CERS3: variants seen among roughly 807,000 people sequenced by gnomAD.
CERS3 encodes the protein ceramide synthase 3.
A neutral mutation model predicts 50.3 loss-of-function variants in CERS3; 33 were observed. The ratio of observed to expected loss-of-function variants is 0.66; its 90% CI spans 0.50 to 0.88. CERS3 has a LOEUF of 0.88. CERS3 is among the 40% of genes least tolerant of loss of function. The probability of loss-of-function intolerance (pLI) is 0.00; values close to 1 mark genes in which losing one functional copy is unlikely to be tolerated. For missense variants in CERS3, 470 were observed against 460.3 expected, an observed-to-expected ratio of 1.02 and a Z score of -0.19; for synonymous variants, 176 against 155.2, an observed-to-expected ratio of 1.13 and a Z score of -0.99.
chr15:100,461,078 G>A (rs79110611), intron 10 of CERS3, among the ~76,000 whole-genome samples: 43 of 152,264 alleles, frequency 2.8e-4, no homozygotes, highest in Non-Finnish European at 5.3e-4. Flanking sequence ...TCAGGGTGGA[G>A]GTGTGGCCTT....
At chr15:100,533,863 G>T (rs542375640), upstream of CERS3, among the ~76,000 whole-genome samples, 13 of 152,230 alleles carry the variant, frequency 8.5e-5, no homozygotes, top group Non-Finnish European at 1.9e-4. Flanking sequence ...CAGCCCACTG[G>T]GTTCTTTCAA....
At position 100,420,059 on chromosome 15, in the gene CERS3, G is replaced by T. The variant is rs1461655787; in HGVS notation, c.1000-17194C>A. Among the ~76,000 whole-genome samples, 4 of 142,444 alleles carry T rather than the reference G, an allele frequency of 2.8e-5. No homozygotes were observed. In the Admixed American group the frequency reaches 2.9e-4, roughly 10 times the overall value. The allele number at this position is 142,444 out of a possible 152,430, so 93.4% of individuals were successfully genotyped here. A position where few individuals can be genotyped will look rare whatever the true frequency, so the allele number is the denominator to read the frequency against. The stretch of plus-strand genomic sequence containing the variant: ...GAGCAAACACATTCAAAAGCTAGCA[G>T]AAGGCAAGAAATAACTAAAATCAGA... On this transcript the variant is annotated intron_variant, in intron 11 of 11. Transcript: ENST00000679737.
chr15:100,455,563 T>C (rs760468852), intron 11 of CERS3, among the ~76,000 whole-genome samples: 10 of 152,130 alleles, frequency 6.6e-5, no homozygotes, highest in Non-Finnish European at 1.3e-4. Flanking sequence ...CACATAAATA[T>C]GCACAAATAT....
At chr15:100,535,202 T>A (rs2037040608) in intron 1 of CERS3, among the ~76,000 whole-genome samples, 1 of 152,244 alleles carries the variant, frequency 6.6e-6, no homozygotes, top group Non-Finnish European at 1.5e-5. Context: ...ATTAATTTTA[T>A]TTTATTCTTA....
At chr15:100,462,106 A>G (rs1046099946) in intron 10 of CERS3, among the ~76,000 whole-genome samples, 2 of 152,216 alleles carry the variant, frequency 1.3e-5, no homozygotes, top group Admixed American at 1.3e-4. Context: ...ACCTTACAGC[A>G]ACTGAATGGA....
chr15:100,435,095 C>A (rs1262810234), intron 11 of CERS3, among the ~76,000 whole-genome samples: 1 of 152,200 alleles, frequency 6.6e-6, no homozygotes, highest in African/African-American at 2.4e-5. Context: ...CAGGAAGCAG[C>A]TCTCATCTTA....
At chr15:100,503,596 T>C in intron 2 of CERS3, 1 of 430,000 alleles carries the variant, frequency 2.3e-6, no homozygotes, top group Non-Finnish European at 4.9e-6. Flanking sequence ...TTTGTGCTGA[T>C]TAGAGGAAGG....
chr15:100,465,485 C>T (rs1308422899), intron 10 of CERS3, among the ~76,000 whole-genome samples: 1 of 152,104 alleles, frequency 6.6e-6, no homozygotes, highest in Non-Finnish European at 1.5e-5. Context: ...GTACACTGTA[C>T]CTGAAAGAAG....
rs1385661797 is a variant in CERS3, at chr15:100,494,233, ATATATATATATATATATATATATATT to A, written c.174-3328_174-3303del. Among the ~76,000 whole-genome samples, 19 of 47,462 alleles carry A rather than the reference ATATATATATATATATATATATATATT, an allele frequency of 4.0e-4. 1 individual carries two copies. The highest frequency in any genetic ancestry group is 2.5e-3 in the South Asian group (3 of 1,208). The allele number at this position is 47,462 out of a possible 152,430, so 31.1% of individuals were successfully genotyped here. On this transcript the variant is annotated intron_variant, in intron 3 of 11. Coordinates refer to ENST00000679737, the MANE Select transcript of CERS3 (RefSeq NM_001378789.1). ...TTCATATATATATATATATATATAT[ATATATATATATATATATATATATATT>A]TGTTTTGAGATGGAGTCTTGCACTG...
intron 7 of CERS3, among the ~76,000 whole-genome samples, chr15:100,477,743 T>G (rs2035176823): frequency 6.6e-6 from 1 of 151,996 alleles, no homozygotes; most frequent in Non-Finnish European, 1.5e-5. Flanking sequence ...AATATCAGAG[T>G]ACTAGGAAGC....
intron 10 of CERS3, among the ~76,000 whole-genome samples, chr15:100,457,896 G>T (rs920583235): frequency 6.6e-6 from 1 of 152,084 alleles, no homozygotes; most frequent in Non-Finnish European, 1.5e-5. Context: ...ATTACATTTA[G>T]CTTTAAATCA....
At chr15:100,407,417 T>A (rs2031129263) in intron 11 of CERS3, among the ~76,000 whole-genome samples, 1 of 152,226 alleles carries the variant, frequency 6.6e-6, no homozygotes, top group Admixed American at 6.5e-5. Context: ...GAGCAAAGGC[T>A]AGGGATGCTG....
intron 11 of CERS3, among the ~76,000 whole-genome samples, chr15:100,427,264 G>A (rs1024280757): frequency 2.6e-5 from 4 of 152,164 alleles, no homozygotes; most frequent in Admixed American, 2.6e-4. Flanking sequence ...TCGGAGGAGC[G>A]AAAGTGCTAT....
chr15:100,466,804 C>CCCCCCTCT (rs2034743986), intron 10 of CERS3, among the ~76,000 whole-genome samples: 1 of 11,432 alleles, frequency 8.7e-5, no homozygotes, highest in African/African-American at 1.6e-4. Flanking sequence ...TCCCTCCCTC[C>CCCCCCTCT]CTCCCTCCCT....
intron 8 of CERS3, among the ~76,000 whole-genome samples, chr15:100,475,049 T>C (rs1053147217): frequency 7.2e-5 from 11 of 152,244 alleles, no homozygotes; most frequent in Non-Finnish European, 1.6e-4. Flanking sequence ...AAATACATGA[T>C]CGACCTACCT....
intron 10 of CERS3, 24 bp from the exon 11 acceptor site, chr15:100,456,070 A>T: frequency 6.3e-7 from 1 of 1,575,170 alleles, no homozygotes; most frequent in South Asian, 1.2e-5. Flanking sequence ...CAGTTGAGAG[A>T]ATTTCATTAC....
chr15:100,507,826 C>T (rs145677757), intron 2 of CERS3, among the ~76,000 whole-genome samples: 2,490 of 152,328 alleles, frequency 0.016, 37 homozygotes, highest in Non-Finnish European at 0.029. Context: ...GGCATCCTGC[C>T]GAGGCAGCGG....
chr15:100,405,040 A>G (rs1225411015), intron 11 of CERS3, among the ~76,000 whole-genome samples: 1 of 152,174 alleles, frequency 6.6e-6, no homozygotes, highest in African/African-American at 2.4e-5. Context: ...GATCTGGGCA[A>G]CGAGTTCTTA....
At chr15:100,445,162 A>G (rs953899613) in intron 11 of CERS3, among the ~76,000 whole-genome samples, 13 of 151,192 alleles carry the variant, frequency 8.6e-5, no homozygotes, top group Admixed American at 7.3e-4. Context: ...TCCTGTATAG[A>G]CGCTCCTTTT....
Sources: allele counts gnomAD v4.1 joint callset (sites outside exome capture counted in the v4.1 genomes callset), GRCh38; gene constraint gnomAD v4.1.1; transcripts MANE v1.5; gene names NCBI Gene and HGNC (gene_info 2026-07-23, HGNC 2026-07-21).